Variants in ITGB4 observed in about 807,000 individuals in gnomAD.
ITGB4 encodes the protein integrin beta-4.
Under a neutral mutation model 207.6 loss-of-function variants are expected in ITGB4, and 159 were observed. The ratio of observed to expected loss-of-function variants is 0.77; its 90% confidence interval spans 0.67 to 0.87. ITGB4 has a LOEUF of 0.87. Ranked by LOEUF, ITGB4 falls within the 40% of genes least tolerant of loss-of-function variation. ITGB4 has a pLI of 0.00. For missense variants in ITGB4, 2,278 were observed against 2,546.8 expected (o/e 0.89, Z 2.27); for synonymous variants, 1,020 against 1,062.7 (o/e 0.96, Z 0.78).
intron 30 of ITGB4, chr17:75,751,689 C>T (rs1275526252): frequency 4.5e-6 from 1 of 220,874 alleles, no homozygotes; most frequent in African/African-American, 2.3e-5. Flanking sequence ...TGCAGTGAAC[C>T]GAGATCGTGT....
chr17:75,731,046 A>T lies in ITGB4; in HGVS notation c.1092+82A>T. The T allele has an allele frequency of 1.4e-6, 2 of 1,450,502 alleles. No individual in the cohort carries two copies. Among genetic ancestry groups the T allele is most frequent in the Non-Finnish European group, 1.9e-6 (2 of 1,035,830 alleles). 89.9% of individuals were successfully genotyped at this position (1,450,502 alleles called of 1,614,324 possible). A position where few individuals can be genotyped will look rare whatever the true frequency, so the allele number is the denominator to read the frequency against. ...GCAGGGTGGGCAAGAGGTGTCTTGG[A>T]TCACGGTGGAGAAATGGGTCTGGGA... On this transcript the variant is annotated intron_variant, in intron 9 of 39. Coordinates refer to ENST00000200181, the MANE Select transcript of ITGB4 (RefSeq NM_000213.5). The surrounding 1 kb of genome is among the most constrained non-coding windows in gnomAD (Gnocchi z 6.8).
Position 75,736,628 on chromosome 17 carries a change from G to C in ITGB4, c.1924G>C (p.Glu642Gln), listed in dbSNP as rs200371855. 5 of 1,602,100 alleles carry C rather than the reference G, an allele frequency of 3.1e-6. No individual in the cohort carries two copies. The highest frequency in any genetic ancestry group is 4.3e-6 in the Non-Finnish European group (5 of 1,175,184). Residue 642 changes from glutamate to glutamine, a missense_variant, in exon 16 of 40, where the codon GAG (glutamate) becomes CAG (glutamine). Transcript: ENST00000200181. ...CVQCQAWGTG[E>Q]KKGRTCEECN... ...GCAGTGCCAGGCGTGGGGCACCGGC[G>C]AGAAGAAGGGGCGCACGTGTGAGGA...
Position 75,727,907 on chromosome 17 carries a change from C to A in ITGB4, c.469+52C>A. The A allele has an allele frequency of 1.3e-6, 2 of 1,561,894 alleles. No individual in the cohort carries two copies. Among genetic ancestry groups the A allele is most frequent in the Non-Finnish European group, 1.8e-6 (2 of 1,137,002 alleles). On this transcript the variant is annotated intron_variant, in intron 5 of 39. Transcript: ENST00000200181. This position sits in a 1 kb window ranked among gnomAD's most constrained non-coding sequence, Gnocchi z 6.0. The stretch of plus-strand genomic sequence containing the variant: ...GCAGGGCAGGAGGGGGACAGGTGGG[C>A]GTCTGCTTGGGAGGCCAGGACTCAG...
At position 75,741,020 on chromosome 17, in the gene ITGB4, C is replaced by T. The variant is rs200095536; in HGVS notation, c.2633+15C>T. ...GCCGGGAAAAAGTGAGTAGAAGACTCGTGGGTGAGAGGGCCCCCACTTCCT... is the reference window on the plus strand; with the variant it reads ...GCCGGGAAAAAGTGAGTAGAAGACTTGTGGGTGAGAGGGCCCCCACTTCCT... On this transcript the variant is annotated intron_variant, in intron 23 of 39. Transcript: ENST00000200181. 256 of 1,611,978 alleles carry T rather than the reference C, an allele frequency of 1.6e-4. 1 individual carries two copies. In the African/African-American group the frequency reaches 3.0e-3, roughly 19 times the overall value.
Position 75,750,431 on chromosome 17 carries a change from G to A in ITGB4, c.3474+163G>A, listed in dbSNP as rs2143356747. On this transcript the variant is annotated intron_variant, in intron 28 of 39. Transcript: ENST00000200181. The surrounding 1 kb of genome is among the most constrained non-coding windows in gnomAD (Gnocchi z 5.5). ...AACCCGGTCTGTGCTGGGAAAGAGG[G>A]AAGACCCATTCCTGAGTTTATCAGA... is the stretch of plus-strand genomic sequence containing the variant. Among the ~76,000 whole-genome samples the A allele has an allele frequency of 6.6e-6, 1 of 152,322 alleles. No homozygotes were observed. Among genetic ancestry groups the A allele is most frequent in the Non-Finnish European group, 1.5e-5 (1 of 68,014 alleles).
In ITGB4 at chr17:75,757,582, T is replaced by A; in HGVS notation, c.*27T>A. 6.2e-7 allele frequency: 1 copy of A among 1,612,820 alleles called. No homozygotes were observed. The highest frequency in any genetic ancestry group is 2.2e-5 in the East Asian group (1 of 44,826). On this transcript the variant is annotated 3_prime_UTR_variant, in exon 40 of 40. Transcript: ENST00000200181. ...CGCACCCTGCCCCACCCCCGCCACGTCCCACTAGGCGTCCTCCCGACTCCT... is the reference window on the plus strand; with the variant it reads ...CGCACCCTGCCCCACCCCCGCCACGACCCACTAGGCGTCCTCCCGACTCCT...
intron 26 of ITGB4, among the ~76,000 whole-genome samples, chr17:75,746,560 C>A (rs899860591): frequency 1.3e-5 from 2 of 150,920 alleles, no homozygotes; most frequent in Non-Finnish European, 2.9e-5. Context: ...GATAGGGTTT[C>A]GCCATGTTGC....
At position 75,737,702 on chromosome 17, in the gene ITGB4, G is replaced by A; in HGVS notation, c.2220+58G>A. 4 of 1,420,872 alleles carry A rather than the reference G, an allele frequency of 2.8e-6. No individual in the cohort carries two copies. The South Asian group carries it at 4.6e-5, about 16-fold the overall frequency. The allele number at this position is 1,420,872 out of a possible 1,614,324, so 88.0% of individuals were successfully genotyped here. A position where few individuals can be genotyped will look rare whatever the true frequency, so the allele number is the denominator to read the frequency against. On this transcript the variant is annotated intron_variant, in intron 18 of 39. Transcript: ENST00000200181. ...ATCCCAGGGTCCCCACCCCAACAGG[G>A]CCCCCACCCTCCACCAGGGTCCCCA...
chr17:75,757,449 CAGGCGG>C lies in ITGB4; in HGVS notation c.5364_5369del (p.Gly1789_Gly1790del). The C allele has an allele frequency of 1.2e-6, 2 of 1,612,458 alleles. No homozygotes were observed. The highest frequency in any genetic ancestry group is 1.7e-6 in the Non-Finnish European group (2 of 1,179,914). On this transcript the variant is annotated inframe_deletion, in exon 40 of 40. Transcript: ENST00000200181. Reference sequence around the variant, plus strand: ...ACCCTGGGGGCCCAGCACCTGGAGGCAGGCGGCTCCCTCACCCGGCATGTGACCCAG... The same window carrying C: ...ACCCTGGGGGCCCAGCACCTGGAGGCCTCCCTCACCCGGCATGTGACCCAG...
Position 75,742,677 on chromosome 17 carries a change from C to A in ITGB4, c.2878C>A (p.Leu960Met). The A allele has an allele frequency of 6.2e-7, 1 of 1,613,996 alleles. No individual in the cohort carries two copies. Among genetic ancestry groups the A allele is most frequent in the Non-Finnish European group, 8.5e-7 (1 of 1,180,036 alleles). Residue 960 changes from leucine to methionine, a missense_variant, in exon 25 of 40, where the codon CTG becomes ATG. Leu to Met is a conservative substitution (Grantham distance 15). Coordinates refer to ENST00000200181, the MANE Select transcript of ITGB4 (RefSeq NM_000213.5). This position sits in a 1 kb window ranked among gnomAD's most constrained non-coding sequence, Gnocchi z 5.9. ...GCCTGAGGATGACGACGAGAAGCAG[C>A]TGCTGGTGGAGGCCATCGACGTGCC... is the stretch of plus-strand genomic sequence containing the variant. ...IRPEDDDEKQLLVEAIDVPAG... is the reference protein window; with the variant it reads ...IRPEDDDEKQMLVEAIDVPAG...
At chr17:75,743,602 A>G (rs2061166027) in intron 25 of ITGB4, 111 bp from the exon 26 acceptor site, 24 of 1,460,646 alleles carry the variant, frequency 1.6e-5, no homozygotes, top group Non-Finnish European at 2.3e-5. Context: ...GCATAGAGGG[A>G]ACCAAGCGGA....
rs200026900 is a variant in ITGB4 at position 75,736,833 on chromosome 17, G to A, written c.1990+139G>A. The A allele has an allele frequency of 2.7e-4, 258 of 967,576 alleles. 1 individual carries two copies. In the East Asian group the frequency reaches 6.2e-3, roughly 23 times the overall value. 59.9% of individuals were successfully genotyped at this position (967,576 alleles called of 1,614,324 possible). A position where few individuals can be genotyped will look rare whatever the true frequency, so the allele number is the denominator to read the frequency against. On this transcript the variant is annotated intron_variant, in intron 16 of 39. Transcript: ENST00000200181. ...GTCCGGACAGGAACTCCAGAGCTGGGAGGGACCACAGAACCCAGATAGAGG... is the reference window on the plus strand; with the variant it reads ...GTCCGGACAGGAACTCCAGAGCTGGAAGGGACCACAGAACCCAGATAGAGG...
At chr17:75,753,997 C>CT in intron 33 of ITGB4, 23 bp downstream of exon 33, 1 of 1,061,310 alleles carries the variant, frequency 9.4e-7, no homozygotes, top group South Asian at 3.7e-5. Flanking sequence ...CCCGCCGCCC[C>CT]CCGATCCGCG....
intron 33 of ITGB4, 32 bp from the exon 34 acceptor site, chr17:75,754,544 C>G: frequency 6.2e-7 from 1 of 1,612,764 alleles, no homozygotes; most frequent in Non-Finnish European, 8.5e-7. Context: ...CTGGGGCAGG[C>G]CTGACCAAGG....
chr17:75,741,159 AC>A, intron 23 of ITGB4, 154 bp downstream of exon 23: 1 of 863,002 alleles, frequency 1.2e-6, no homozygotes, highest in Non-Finnish European at 1.9e-6. Context: ...CGTTCCTTTG[AC>A]CATTTCTTCA....
intron 27 of ITGB4, 147 bp from the exon 28 acceptor site, chr17:75,749,964 G>A: frequency 1.0e-6 from 1 of 990,410 alleles, no homozygotes. Flanking sequence ...CAGCAATGGG[G>A]CACCACCAGG....
chr17:75,736,091 T>G lies in ITGB4; in HGVS notation c.1698T>G (p.Pro566=), dbSNP rs750632912. 1.2e-6 allele frequency: 2 copies of G among 1,614,142 alleles called. No homozygotes were observed. The highest frequency in any genetic ancestry group is 2.2e-5 in the South Asian group (2 of 91,082). Residue 566 remains proline, a synonymous_variant, in exon 14 of 40, where the codon CCT becomes CCG. Coordinates refer to ENST00000200181, the MANE Select transcript of ITGB4 (RefSeq NM_000213.5). ...CCATGGGCCAGTGTGTGTGTGAGCC[T>G]GGTTGGACAGGCCCAAGCTGTGACT... ...RCSMGQCVCE[P]GWTGPSCDCP...
chr17:75,743,533 C>G (rs568331326), intron 25 of ITGB4, among the ~76,000 whole-genome samples, 180 bp from the exon 26 acceptor site: 1 of 152,156 alleles, frequency 6.6e-6, no homozygotes, highest in South Asian at 2.1e-4. Context: ...GCGCCCGGCC[C>G]CTCATCTTTT....
intron 13 of ITGB4, among the ~76,000 whole-genome samples, chr17:75,735,373 C>T (rs941411180): frequency 6.6e-6 from 1 of 151,300 alleles, no homozygotes; most frequent in African/African-American, 2.4e-5. Flanking sequence ...AGGTGTGAGC[C>T]ACCACGCCCG....
Sources: allele counts gnomAD v4.1 joint callset (sites outside exome capture counted in the v4.1 genomes callset), GRCh38; gene constraint gnomAD v4.1.1; non-coding constraint Gnocchi (gnomAD v3.1); transcripts MANE v1.5; gene names NCBI Gene and HGNC (gene_info 2026-07-23, HGNC 2026-07-21).